Variants in C2orf69 observed in about 807,000 individuals in gnomAD.
The protein encoded by C2orf69 is mitochondrial protein C2orf69.
A neutral mutation model predicts 29.5 loss-of-function variants in C2orf69; 19 were observed. The ratio of observed to expected loss-of-function variants is 0.65; its 90% CI spans 0.45 to 0.95. C2orf69 has a LOEUF of 0.95. Ranked by LOEUF, C2orf69 falls within the 40% of genes least tolerant of loss-of-function variation. C2orf69 has a pLI of 0.00. For missense variants in C2orf69, 416 were observed against 482.1 expected, an observed-to-expected ratio of 0.86 and a Z score of 1.28; for synonymous variants, 194 against 180.0, an observed-to-expected ratio of 1.08 and a Z score of -0.62.
rs770234818 is a variant in C2orf69 at position 199,927,622 on chromosome 2, C to T, written c.*1736C>T. 6.8e-6 allele frequency: 1 copy of T among 148,086 alleles called. No homozygotes were observed. Among genetic ancestry groups the T allele is most frequent in the Non-Finnish European group, 1.5e-5 (1 of 67,266 alleles). The allele number at this position is 148,086 out of a possible 1,614,324, so 9.2% of individuals were successfully genotyped here. A position where few individuals can be genotyped will look rare whatever the true frequency, so the allele number is the denominator to read the frequency against. On this transcript the variant is annotated 3_prime_UTR_variant, in exon 2 of 2. Coordinates refer to ENST00000319974, the MANE Select transcript of C2orf69 (RefSeq NM_153689.6). ...TATGTTGCTTCAGTTTCTTTAAATACCTCGTTTCTTTTGAGACCAAAAATT... is the reference window on the plus strand; with the variant it reads ...TATGTTGCTTCAGTTTCTTTAAATATCTCGTTTCTTTTGAGACCAAAAATT...
At chr2:199,912,411 C>T (rs994679641) in intron 1 of C2orf69, among the ~76,000 whole-genome samples, 1 of 152,154 alleles carries the variant, frequency 6.6e-6, no homozygotes, top group South Asian at 2.1e-4. Flanking sequence ...TCTAACGTTG[C>T]ATTATCTAAT....
rs1014473935 is a variant in C2orf69 at position 199,911,502 on chromosome 2, G to A, written c.64G>A (p.Gly22Arg). 2.5e-5 allele frequency: 39 copies of A among 1,547,542 alleles called. No individual in the cohort carries two copies. Among genetic ancestry groups the A allele is most frequent in the Admixed American group, 1.8e-4 (9 of 50,844 alleles). Residue 22 changes from glycine (G) to arginine (R), a missense_variant, in exon 1 of 2, where the codon GGA (glycine) becomes AGA (arginine). Transcript: ENST00000319974. The part of the protein sequence containing the change: ...LLLLLPQLGI[G>R]NASSCSQART... ...GCTCCTGCTGCCGCAGCTCGGAATC[G>A]GAAACGCCTCGTCCTGCTCTCAGGC...
At chr2:199,918,132 T>C (rs2106636403) in intron 1 of C2orf69, among the ~76,000 whole-genome samples, 1 of 152,252 alleles carries the variant, frequency 6.6e-6, no homozygotes, top group East Asian at 1.9e-4. Flanking sequence ...CATGTGGGGA[T>C]TATGGGAACT....
chr2:199,914,823 C>T (rs1055847989), intron 1 of C2orf69, among the ~76,000 whole-genome samples: 6 of 152,202 alleles, frequency 3.9e-5, no homozygotes, highest in Admixed American at 3.3e-4. Flanking sequence ...TCTTCCAGGT[C>T]TGCTCAAGAC....
At chr2:199,923,995 A>T (rs1032657578) in intron 1 of C2orf69, among the ~76,000 whole-genome samples, 3 of 152,024 alleles carry the variant, frequency 2.0e-5, no homozygotes, top group African/African-American at 7.2e-5. Flanking sequence ...CCTCCCTTTT[A>T]AAAAAAAGTC....
At chr2:199,922,031 T>TTA (rs370430093) in intron 1 of C2orf69, among the ~76,000 whole-genome samples, 926 of 78,946 alleles carry the variant, frequency 0.012, 97 homozygotes, top group East Asian at 0.027. Context: ...ACTGTTATTT[T>TTA]TATATATATA....
Position 199,911,870 on chromosome 2 carries a change from GC to G in C2orf69, c.333+101del, listed in dbSNP as rs1169005371. The G allele has an allele frequency of 4.7e-6, 7 of 1,484,972 alleles. No individual in the cohort carries two copies. The African/African-American group carries it at 8.3e-5, about 18-fold the overall frequency. The allele number at this position is 1,484,972 out of a possible 1,614,324, so 92.0% of individuals were successfully genotyped here. The stretch of plus-strand genomic sequence containing the variant: ...TGGCTGCTGCCTGGTTCCTTTCCTT[GC>G]CTGAACACACCCACACATTCACTGA... On this transcript the variant is annotated intron_variant, in intron 1 of 1. Transcript: ENST00000319974.
At chr2:199,919,974 C>T (rs2077307664) in intron 1 of C2orf69, among the ~76,000 whole-genome samples, 1 of 152,154 alleles carries the variant, frequency 6.6e-6, no homozygotes, top group Non-Finnish European at 1.5e-5. Flanking sequence ...TGAGTTTTTG[C>T]AGGTCAGCAA....
intron 1 of C2orf69, among the ~76,000 whole-genome samples, chr2:199,914,204 C>T (rs1429461588): frequency 6.6e-6 from 1 of 152,152 alleles, no homozygotes; most frequent in Non-Finnish European, 1.5e-5. Context: ...GCTTTACTCA[C>T]TACCTGTACA....
intron 1 of C2orf69, among the ~76,000 whole-genome samples, chr2:199,914,289 A>G (rs2106636341): frequency 6.6e-6 from 1 of 152,296 alleles, no homozygotes; most frequent in Admixed American, 6.5e-5. Context: ...TATATGCACG[A>G]TTATTTCCTT....
chr2:199,920,029 T>G (rs1224105973), intron 1 of C2orf69, among the ~76,000 whole-genome samples: 1 of 152,198 alleles, frequency 6.6e-6, no homozygotes, highest in African/African-American at 2.4e-5. Flanking sequence ...CTCAAGAGAT[T>G]CTCTTGTGGC....
chr2:199,913,168 A>G (rs1474250404), intron 1 of C2orf69, among the ~76,000 whole-genome samples: 1 of 117,768 alleles, frequency 8.5e-6, no homozygotes, highest in African/African-American at 3.3e-5. Context: ...TTTTATATAT[A>G]TATTATATAT....
At chr2:199,915,765 C>T (rs2077290587) in intron 1 of C2orf69, among the ~76,000 whole-genome samples, 1 of 152,156 alleles carries the variant, frequency 6.6e-6, no homozygotes, top group Non-Finnish European at 1.5e-5. Context: ...GATCCTCCCA[C>T]CTCAGCCTCC....
intron 1 of C2orf69, among the ~76,000 whole-genome samples, chr2:199,919,622 T>C (rs1382820608): frequency 6.6e-6 from 1 of 152,136 alleles, no homozygotes; most frequent in Non-Finnish European, 1.5e-5. Context: ...CATCTCATGG[T>C]GGAAGGCAGA....
Position 199,927,961 on chromosome 2 carries a change from T to C in C2orf69, c.*2075T>C, listed in dbSNP as rs2077342101. 6.6e-6 allele frequency: 1 copy of C among 152,304 alleles called. No individual in the cohort carries two copies. Among genetic ancestry groups the C allele is most frequent in the Non-Finnish European group, 1.5e-5 (1 of 67,976 alleles). The allele number at this position is 152,304 out of a possible 1,614,324, so 9.4% of individuals were successfully genotyped here. A position where few individuals can be genotyped will look rare whatever the true frequency, so the allele number is the denominator to read the frequency against. On this transcript the variant is annotated 3_prime_UTR_variant, in exon 2 of 2. Transcript: ENST00000319974. Reference sequence around the variant, plus strand: ...TGAATGCTTAATTATAATTGTTACATGTTGAATGGGTATTAAGAGTAAGTC... The same window carrying C: ...TGAATGCTTAATTATAATTGTTACACGTTGAATGGGTATTAAGAGTAAGTC...
At chr2:199,920,935 G>A (rs75214378) in intron 1 of C2orf69, among the ~76,000 whole-genome samples, 4,678 of 135,466 alleles carry the variant, frequency 0.035, 146 homozygotes, top group East Asian at 0.12. Context: ...CAGCCTGGGG[G>A]ACAGAGCCTG....
intron 1 of C2orf69, among the ~76,000 whole-genome samples, chr2:199,913,107 G>T (rs1381967435): frequency 1.6e-4 from 7 of 43,884 alleles, no homozygotes; most frequent in African/African-American, 6.8e-4. Flanking sequence ...GTTTTTATTA[G>T]CAGTCAACTA....
At position 199,927,480 on chromosome 2, in the gene C2orf69, T is replaced by A. The variant is rs2077340349; in HGVS notation, c.*1594T>A. On this transcript the variant is annotated 3_prime_UTR_variant, in exon 2 of 2. Coordinates refer to ENST00000319974, the MANE Select transcript of C2orf69 (RefSeq NM_153689.6). ...ATATTCAGAGATTCATGAGAAAGGA[T>A]TCTTAACAAATGTTTAAAAATAACA... 1 of 151,914 alleles carries A rather than the reference T, an allele frequency of 6.6e-6. No homozygotes were observed. Among genetic ancestry groups the A allele is most frequent in the Non-Finnish European group, 1.5e-5 (1 of 67,922 alleles). 9.4% of individuals were successfully genotyped at this position (151,914 alleles called of 1,614,324 possible). A position where few individuals can be genotyped will look rare whatever the true frequency, so the allele number is the denominator to read the frequency against.
chr2:199,924,088 T>C (rs941290805), intron 1 of C2orf69, among the ~76,000 whole-genome samples: 2 of 152,162 alleles, frequency 1.3e-5, no homozygotes, highest in African/African-American at 2.4e-5. Context: ...ATATATAGAA[T>C]GCTTATAAAT....
Sources: gnomAD v4.1 joint callset for allele counts (sites outside exome capture counted in the v4.1 genomes callset) on GRCh38, gnomAD v4.1.1 for gene constraint, MANE v1.5 for transcripts, NCBI Gene and HGNC (gene_info 2026-07-23, HGNC 2026-07-21) for gene names.